Variants in HSPA12A observed in about 807,000 individuals in gnomAD.
HSPA12A encodes the protein heat shock 70 kDa protein 12A.
In HSPA12A, 28 loss-of-function variants were observed where a neutral mutation model predicts 69.2. The ratio of observed to expected loss-of-function variants is 0.40; its 90% CI spans 0.30 to 0.55. The LOEUF is 0.55. HSPA12A is among the 20% of genes least tolerant of loss of function. The probability of loss-of-function intolerance (pLI) is 0.38; values close to 1 mark genes in which losing one functional copy is unlikely to be tolerated. For synonymous variants in HSPA12A, 345 were observed against 370.5 expected, an observed-to-expected ratio of 0.93 and a Z score of 0.79; for missense variants, 686 against 900.7, an observed-to-expected ratio of 0.76 and a Z score of 3.05.
chr10:116,678,880 A>C (rs1849319295), intron 10 of HSPA12A, among the ~76,000 whole-genome samples: 2 of 152,210 alleles, frequency 1.3e-5, no homozygotes, highest in Admixed American at 1.3e-4. Flanking sequence ...GAAAAAGGTA[A>C]TTATGAAATA....
chr10:116,677,914 A>G (rs1272750200), intron 10 of HSPA12A, among the ~76,000 whole-genome samples: 1 of 152,074 alleles, frequency 6.6e-6, no homozygotes, highest in Non-Finnish European at 1.5e-5. Flanking sequence ...ATTCCTAATG[A>G]TACTCCCCCT....
upstream of HSPA12A, among the ~76,000 whole-genome samples, chr10:116,746,222 T>C (rs1554887801): frequency 1.3e-5 from 2 of 151,788 alleles, no homozygotes; most frequent in Non-Finnish European, 2.9e-5. Context: ...ACCACATCCA[T>C]TCATGCAAAT....
chr10:116,842,615 T>C lies in HSPA12A; in HGVS notation c.3+6951A>G, dbSNP rs189442105. ...AAAGAGTTTGCTTAAAGAGTTTGTT[T>C]TTGTTTTTGTTTTTGTTTTGAGATG... On this transcript the variant is annotated intron_variant, in intron 1 of 12. Coordinates refer to the HSPA12A transcript ENST00000635765. 3.3e-5 allele frequency among the ~76,000 whole-genome samples: 5 copies of C among 150,926 alleles called. No homozygotes were observed. The East Asian group carries it at 9.7e-4, about 29-fold the overall frequency.
At chr10:116,687,281 G>A (rs959077215) in intron 6 of HSPA12A, among the ~76,000 whole-genome samples, 9 of 152,204 alleles carry the variant, frequency 5.9e-5, no homozygotes, top group Non-Finnish European at 7.3e-5. Context: ...AGATGAGGAT[G>A]CAGGTGGGAA....
chr10:116,729,453 G>A (rs1382356772), intron 1 of HSPA12A, among the ~76,000 whole-genome samples: 7 of 152,116 alleles, frequency 4.6e-5, no homozygotes, highest in African/African-American at 7.2e-5. Flanking sequence ...ACCTTTGAAC[G>A]ACATGAGGGT....
chr10:116,781,929 C>T (rs1403418345), intron 2 of HSPA12A, among the ~76,000 whole-genome samples: 1 of 152,130 alleles, frequency 6.6e-6, no homozygotes, highest in Non-Finnish European at 1.5e-5. Context: ...TAACATTCAT[C>T]AAAAGACAGT....
chr10:116,803,224 G>C (rs1844996506), intron 2 of HSPA12A, among the ~76,000 whole-genome samples: 1 of 152,250 alleles, frequency 6.6e-6, no homozygotes, highest in African/African-American at 2.4e-5. Context: ...GGGGACGAGA[G>C]GGTGTGCGGA....
chr10:116,708,670 G>A (rs1415719936), intron 1 of HSPA12A, among the ~76,000 whole-genome samples: 6 of 152,200 alleles, frequency 3.9e-5, no homozygotes, highest in African/African-American at 1.2e-4. Context: ...CTATCTTGGG[G>A]AGGGAGAGGC....
chr10:116,719,455 G>A (rs1282020717), intron 1 of HSPA12A, among the ~76,000 whole-genome samples: 13 of 152,208 alleles, frequency 8.5e-5, no homozygotes, highest in African/African-American at 3.1e-4. Flanking sequence ...TCCATGAGCT[G>A]CCAAATCAGC....
intron 2 of HSPA12A, among the ~76,000 whole-genome samples, chr10:116,782,455 C>T (rs954497951): frequency 1.3e-5 from 2 of 152,124 alleles, no homozygotes; most frequent in Non-Finnish European, 2.9e-5. Flanking sequence ...GGGAGTTGTC[C>T]TTTGACTGAA....
intron 2 of HSPA12A, among the ~76,000 whole-genome samples, chr10:116,781,836 A>C (rs1043802817): frequency 2.0e-5 from 3 of 152,202 alleles, no homozygotes; most frequent in African/African-American, 7.2e-5. Flanking sequence ...TCAACAAACA[A>C]AGCATTTCTT....
intron 7 of HSPA12A, 40 bp from the exon 8 acceptor site, chr10:116,681,917 G>A (rs546658983): frequency 1.0e-5 from 16 of 1,573,328 alleles, no homozygotes; most frequent in Non-Finnish European, 1.1e-5. Flanking sequence ...GGGTAAGAAA[G>A]CATGAAAAAG....
At chr10:116,708,706 A>C (rs1267389001) in intron 1 of HSPA12A, among the ~76,000 whole-genome samples, 1 of 152,198 alleles carries the variant, frequency 6.6e-6, no homozygotes, top group African/African-American at 2.4e-5. Flanking sequence ...CAGAGGCAAA[A>C]ATCCAACTCG....
At chr10:116,716,645 C>T (rs532795649) in intron 1 of HSPA12A, among the ~76,000 whole-genome samples, 2 of 152,262 alleles carry the variant, frequency 1.3e-5, no homozygotes, top group African/African-American at 4.8e-5. Flanking sequence ...GGAATAGGAG[C>T]AAAGCCAGAG....
At chr10:116,682,723 C>A (rs920356789) in intron 7 of HSPA12A, among the ~76,000 whole-genome samples, 6 of 152,042 alleles carry the variant, frequency 3.9e-5, no homozygotes, top group Non-Finnish European at 7.4e-5. Context: ...TTCTTTGAGA[C>A]GGAGTCTCGC....
At chr10:116,805,207 T>C (rs986540422) in intron 2 of HSPA12A, among the ~76,000 whole-genome samples, 41 of 152,106 alleles carry the variant, frequency 2.7e-4, no homozygotes, top group Middle Eastern at 6.8e-3. Context: ...TCCCAGCTAC[T>C]TGGGAGGCTG....
intron 10 of HSPA12A, among the ~76,000 whole-genome samples, chr10:116,679,019 C>T (rs1443424413): frequency 6.6e-6 from 1 of 151,852 alleles, no homozygotes; most frequent in Non-Finnish European, 1.5e-5. Flanking sequence ...TTTAAACCGT[C>T]TTCTAAATAT....
chr10:116,813,727 T>C (rs949338253), intron 2 of HSPA12A, among the ~76,000 whole-genome samples: 1 of 149,344 alleles, frequency 6.7e-6, no homozygotes, highest in African/African-American at 2.4e-5. Flanking sequence ...CAAAAAAAAA[T>C]GTTTTTAATA....
intron 2 of HSPA12A, among the ~76,000 whole-genome samples, chr10:116,754,700 C>T (rs374373497): frequency 3.3e-5 from 5 of 152,048 alleles, no homozygotes; most frequent in African/African-American, 9.7e-5. Context: ...ACAGAATGAC[C>T]GATCTTGTCA....
Sources: allele counts gnomAD v4.1 joint callset (sites outside exome capture counted in the v4.1 genomes callset), GRCh38; gene constraint gnomAD v4.1.1; transcripts MANE v1.5; gene names NCBI Gene and HGNC (gene_info 2026-07-23, HGNC 2026-07-21).